Variants in AGAP1 observed in about 807,000 individuals in gnomAD.
AGAP1 encodes ArfGAP with GTPase domain, ankyrin repeat and PH domain 1.
A neutral mutation model predicts 105.3 loss-of-function variants in AGAP1; 29 were observed. The observed-to-expected ratio is 0.28, with a 90% CI of 0.21 to 0.38. The LOEUF (loss-of-function observed/expected upper bound fraction) is 0.38, where lower values mean the gene tolerates loss of function less well. AGAP1 is among the 10% of genes least tolerant of loss of function. The pLI is 1.00. For missense variants in AGAP1, 998 were observed against 1,165.1 expected (o/e 0.86, Z 2.09); for synonymous variants, 509 against 485.9 (o/e 1.05, Z -0.63).
chr2:235,949,096 T>C (rs1192520125), intron 12 of AGAP1, among the ~76,000 whole-genome samples: 1 of 152,180 alleles, frequency 6.6e-6, no homozygotes. Flanking sequence ...CCCTTCTCCC[T>C]GGGTGAGGCA....
rs75462634 is a variant in AGAP1, at chr2:236,042,713, G to T, written c.1891+1872G>T. Among the ~76,000 whole-genome samples the T allele has an allele frequency of 1.3e-5, 2 of 152,120 alleles. No individual in the cohort carries two copies. Among genetic ancestry groups the T allele is most frequent in the East Asian group, 1.9e-4 (1 of 5,168 alleles). On this transcript the variant is annotated intron_variant, in intron 15 of 17. Coordinates refer to ENST00000304032, the MANE Select transcript of AGAP1 (RefSeq NM_001037131.3). The surrounding 1 kb of genome is among the most constrained non-coding windows in gnomAD (Gnocchi z 5.6). ...AGCTTGTGCATGTGAGTGCGGATGGGGGGTGGGAAAGGGAGGCCAGTGCAG... is the reference window on the plus strand; with the variant it reads ...AGCTTGTGCATGTGAGTGCGGATGGTGGGTGGGAAAGGGAGGCCAGTGCAG...
chr2:235,670,043 G>GC (rs1948293694), intron 1 of AGAP1: 3 of 371,934 alleles, frequency 8.1e-6, no homozygotes, highest in Non-Finnish European at 1.4e-5. Context: ...GCTTGGCCCG[G>GC]CGCCCTCCCG....
rs908441 is a variant in AGAP1, at chr2:235,891,747, A to T, written c.1155+8298A>T. The stretch of plus-strand genomic sequence containing the variant: ...GTGCCCCTGTCTAGGAAAGCTCACC[A>T]GTGTTCCGGTCCTGGCTCTCTGGGC... On this transcript the variant is annotated intron_variant, in intron 10 of 17. Coordinates refer to ENST00000304032, the MANE Select transcript of AGAP1 (RefSeq NM_001037131.3). The surrounding 1 kb of genome is among the most constrained non-coding windows in gnomAD (Gnocchi z 4.2). Among the ~76,000 whole-genome samples, 65,540 of 151,978 alleles carry T rather than the reference A, an allele frequency of 0.43. 14,521 individuals are homozygous for T. The highest frequency in any genetic ancestry group is 0.73 in the South Asian group (3,532 of 4,824).
chr2:236,011,491 G>A (rs144445599), intron 13 of AGAP1, among the ~76,000 whole-genome samples: 2 of 152,306 alleles, frequency 1.3e-5, no homozygotes, highest in East Asian at 3.9e-4. Context: ...GCTATGGGAG[G>A]CATTGTGAAA....
intron 1 of AGAP1, among the ~76,000 whole-genome samples, chr2:235,636,640 G>C (rs1289607128): frequency 6.6e-6 from 1 of 152,164 alleles, no homozygotes; most frequent in African/African-American, 2.4e-5. Context: ...TAGACTCACT[G>C]TTCCAGGACT....
chr2:235,530,572 T>C (rs1181062367), intron 1 of AGAP1, among the ~76,000 whole-genome samples: 1 of 152,204 alleles, frequency 6.6e-6, no homozygotes, highest in Non-Finnish European at 1.5e-5. Flanking sequence ...CCACACTCCT[T>C]GGCTCATGGC....
Position 235,529,420 on chromosome 2 carries a change from A to C in AGAP1, c.163+34571A>C, listed in dbSNP as rs558041011. ...GATTAAAGTGGCAAATAGTGAATCC[A>C]GGTTTGGTGTCCAGGGGTGCCTGAT... On this transcript the variant is annotated intron_variant, in intron 1 of 17. Transcript: ENST00000304032. 5.9e-5 allele frequency among the ~76,000 whole-genome samples: 9 copies of C among 152,306 alleles called. No individual in the cohort carries two copies. The South Asian group carries it at 1.7e-3, about 28-fold the overall frequency.
intron 1 of AGAP1, among the ~76,000 whole-genome samples, chr2:235,703,658 G>A (rs1159106549): frequency 1.3e-5 from 2 of 151,376 alleles, no homozygotes; most frequent in African/African-American, 4.9e-5. Flanking sequence ...GAGTGCGGTG[G>A]CACAATCTCG....
At chr2:235,807,671 A>G (rs1049534360) in intron 9 of AGAP1, among the ~76,000 whole-genome samples, 1 of 152,190 alleles carries the variant, frequency 6.6e-6, no homozygotes, top group East Asian at 1.9e-4. Flanking sequence ...GATCGCCTAC[A>G]AGAGCCCCTT....
intron 1 of AGAP1, among the ~76,000 whole-genome samples, chr2:235,534,749 G>T (rs1013814497): frequency 1.8e-4 from 28 of 152,204 alleles, no homozygotes; most frequent in African/African-American, 6.0e-4. Flanking sequence ...TGTGTCTTCA[G>T]CACGACATGG....
intron 2 of AGAP1, among the ~76,000 whole-genome samples, chr2:235,710,804 T>C (rs1171219693): frequency 1.3e-5 from 2 of 152,154 alleles, no homozygotes; most frequent in East Asian, 3.9e-4. Context: ...AGACAGCCGC[T>C]GCCACTCGGG....
intron 1 of AGAP1, among the ~76,000 whole-genome samples, chr2:235,703,015 C>T (rs1460061454): frequency 2.1e-5 from 3 of 144,524 alleles, no homozygotes; most frequent in African/African-American, 7.5e-5. Context: ...GCCACCTCCA[C>T]CTCCCGGGTT....
intron 13 of AGAP1, among the ~76,000 whole-genome samples, chr2:235,999,563 A>AGTT (rs2056002910): frequency 1.2e-5 from 1 of 83,286 alleles, no homozygotes; most frequent in African/African-American, 7.5e-5. Flanking sequence ...TGTTGGTAGC[A>AGTT]TGATGACCAA....
intron 1 of AGAP1, among the ~76,000 whole-genome samples, chr2:235,645,606 C>T (rs80014193): frequency 0.028 from 4,274 of 152,102 alleles, 104 homozygotes; most frequent in African/African-American, 0.061. Flanking sequence ...CAGGGGTTTA[C>T]GCCCCAGGCC....
intron 1 of AGAP1, among the ~76,000 whole-genome samples, chr2:235,681,333 A>G (rs6750322): frequency 0.037 from 5,659 of 152,114 alleles, 287 homozygotes; most frequent in East Asian, 0.11. Flanking sequence ...GACACACTCT[A>G]TGACCCTTCT....
At chr2:235,833,495 C>T (rs1559541597) in intron 9 of AGAP1, among the ~76,000 whole-genome samples, 1 of 152,062 alleles carries the variant, frequency 6.6e-6, no homozygotes, top group Non-Finnish European at 1.5e-5. Flanking sequence ...CCACCCACCC[C>T]CACTCTCCAA....
intron 16 of AGAP1, among the ~76,000 whole-genome samples, chr2:236,099,454 C>CA (rs560831358): frequency 0.028 from 3,906 of 137,754 alleles, 159 homozygotes; most frequent in African/African-American, 0.094. Context: ...GACTCCGCCT[C>CA]AAAAAAAAAA....
At chr2:235,583,736 G>A (rs1042349708) in intron 1 of AGAP1, among the ~76,000 whole-genome samples, 2 of 151,772 alleles carry the variant, frequency 1.3e-5, no homozygotes, top group African/African-American at 2.4e-5. Flanking sequence ...AACTAGCTGG[G>A]TGTGGTGGTG....
intron 1 of AGAP1, among the ~76,000 whole-genome samples, chr2:235,698,743 C>T (rs1380132409): frequency 6.6e-6 from 1 of 152,200 alleles, no homozygotes; most frequent in Non-Finnish European, 1.5e-5. Context: ...TGGTGGCGCT[C>T]AGTGTGTTCC....
Sources: gnomAD v4.1 joint callset for allele counts (sites outside exome capture counted in the v4.1 genomes callset) on GRCh38, gnomAD v4.1.1 for gene constraint, Gnocchi (gnomAD v3.1) non-coding constraint, MANE v1.5 for transcripts, NCBI Gene and HGNC (gene_info 2026-07-23, HGNC 2026-07-21) for gene names.